Variants in SSBP2 observed in about 807,000 individuals in gnomAD.
The protein encoded by SSBP2 is single-stranded DNA-binding protein 2.
SSBP2 carries 17 observed loss-of-function variants against 61.8 expected under a neutral mutation model. The observed-to-expected ratio is 0.28, with a 90% CI of 0.19 to 0.41. SSBP2 has a LOEUF of 0.41. Among genes scored for constraint, SSBP2 ranks in the 10% least tolerant of loss-of-function variants. The pLI, the probability that SSBP2 is intolerant of heterozygous loss-of-function variation, is 1.00. For synonymous variants in SSBP2, 139 were observed against 141.3 expected, an observed-to-expected ratio of 0.98 and a Z score of 0.12; for missense variants, 310 against 458.7, an observed-to-expected ratio of 0.68 and a Z score of 2.96.
chr5:81,657,964 T>C (rs1305610735), intron 1 of SSBP2, among the ~76,000 whole-genome samples: 1 of 152,154 alleles, frequency 6.6e-6, no homozygotes, highest in African/African-American at 2.4e-5. Context: ...ATATACAACA[T>C]GATGTCTTGA....
chr5:81,572,752 C>A (rs1773928423), intron 4 of SSBP2, among the ~76,000 whole-genome samples: 1 of 152,196 alleles, frequency 6.6e-6, no homozygotes, highest in Non-Finnish European at 1.5e-5. Flanking sequence ...TCTCTAGCAT[C>A]TTTAAAACAT....
chr5:81,470,346 G>GT (rs1390336571), intron 8 of SSBP2, among the ~76,000 whole-genome samples: 1 of 151,578 alleles, frequency 6.6e-6, no homozygotes, highest in South Asian at 2.1e-4. Flanking sequence ...AGGTAGTTTT[G>GT]TTTTTTTATT....
rs940579163 is a variant in SSBP2, at chr5:81,536,875, T to C, written c.283-23158A>G. The stretch of plus-strand genomic sequence containing the variant: ...TCTCTACTAAAAATACAAAAAATTA[T>C]CAGGGTGTGGTGGTGCTCGCCTGTA... On this transcript the variant is annotated intron_variant, in intron 4 of 16. Coordinates refer to ENST00000320672, the MANE Select transcript of SSBP2 (RefSeq NM_012446.5). Among the ~76,000 whole-genome samples the C allele has an allele frequency of 3.3e-5, 5 of 151,798 alleles. No individual in the cohort carries two copies. In the South Asian group the frequency reaches 8.3e-4, roughly 25 times the overall value.
At chr5:81,504,579 C>T (rs979762349) in intron 5 of SSBP2, among the ~76,000 whole-genome samples, 3 of 152,140 alleles carry the variant, frequency 2.0e-5, no homozygotes, top group African/African-American at 7.2e-5. Flanking sequence ...TCCTTCAGGT[C>T]TTTACTCAAA....
chr5:81,486,773 G>A (rs1766415971), intron 6 of SSBP2, among the ~76,000 whole-genome samples: 1 of 152,140 alleles, frequency 6.6e-6, no homozygotes, highest in African/African-American at 2.4e-5. Flanking sequence ...ATCTTCCCCT[G>A]CCCCGATGTA....
At chr5:81,444,835 A>G (rs1369492666) in intron 12 of SSBP2, among the ~76,000 whole-genome samples, 1 of 151,728 alleles carries the variant, frequency 6.6e-6, no homozygotes, top group Admixed American at 6.6e-5. Flanking sequence ...TAAGATTGGT[A>G]TTTATGGCCA....
intron 4 of SSBP2, among the ~76,000 whole-genome samples, chr5:81,567,060 G>A (rs1216954803): frequency 6.6e-6 from 1 of 152,158 alleles, no homozygotes; most frequent in East Asian, 1.9e-4. Flanking sequence ...CAATAGAAAA[G>A]AAAATCCCAT....
At chr5:81,667,787 TATA>T (rs1345316974) in intron 1 of SSBP2, among the ~76,000 whole-genome samples, 4 of 152,088 alleles carry the variant, frequency 2.6e-5, no homozygotes, top group Non-Finnish European at 5.9e-5. Flanking sequence ...GAAACACCAA[TATA>T]ATAACAAAAA....
At chr5:81,568,598 T>C (rs1773614850) in intron 4 of SSBP2, among the ~76,000 whole-genome samples, 2 of 152,230 alleles carry the variant, frequency 1.3e-5, no homozygotes, top group Non-Finnish European at 2.9e-5. Context: ...CCAAAACATA[T>C]GCTGTTATTC....
At chr5:81,558,386 T>C (rs1293470486) in intron 4 of SSBP2, among the ~76,000 whole-genome samples, 1 of 152,220 alleles carries the variant, frequency 6.6e-6, no homozygotes, top group Admixed American at 6.5e-5. Flanking sequence ...GAGGACACAC[T>C]TCCTGGTTTG....
chr5:81,464,898 A>G (rs1764785862), intron 9 of SSBP2, among the ~76,000 whole-genome samples: 1 of 152,064 alleles, frequency 6.6e-6, no homozygotes, highest in African/African-American at 2.4e-5. Flanking sequence ...ATAATACATT[A>G]TAAAGTGAAT....
intron 4 of SSBP2, among the ~76,000 whole-genome samples, chr5:81,544,293 C>G (rs985263290): frequency 2.0e-5 from 3 of 152,252 alleles, no homozygotes; most frequent in South Asian, 2.1e-4. Flanking sequence ...GTGATCCGCC[C>G]CCCTCAGCCA....
At chr5:81,527,358 G>A (rs1336300967) in intron 4 of SSBP2, among the ~76,000 whole-genome samples, 2 of 151,988 alleles carry the variant, frequency 1.3e-5, no homozygotes, top group Middle Eastern at 3.2e-3. Flanking sequence ...GACTCAAAAT[G>A]TATTTCAAAG....
chr5:81,495,066 C>T (rs1403605901), intron 5 of SSBP2, among the ~76,000 whole-genome samples: 1 of 152,138 alleles, frequency 6.6e-6, no homozygotes, highest in Non-Finnish European at 1.5e-5. Context: ...GCAGTAGTTT[C>T]CCCTCCCCTT....
chr5:81,476,646 G>C (rs1765612040), intron 6 of SSBP2, among the ~76,000 whole-genome samples: 1 of 152,066 alleles, frequency 6.6e-6, no homozygotes, highest in Admixed American at 6.6e-5. Context: ...GAATGTGCTG[G>C]TGTCTGCAGG....
rs1761441823 is a variant in SSBP2, at chr5:81,418,941, C to T, written c.*1563G>A. ...AATTAAACAATGCTTTTCAAAGTCT[C>T]TAGAGTTTGGATTCATAGTTGGTAT... is the stretch of plus-strand genomic sequence containing the variant. On this transcript the variant is annotated 3_prime_UTR_variant, in exon 17 of 17. Transcript: ENST00000320672. The T allele has an allele frequency of 6.6e-6, 1 of 152,082 alleles. No homozygotes were observed. The highest frequency in any genetic ancestry group is 2.1e-4 in the South Asian group (1 of 4,824). 9.4% of individuals were successfully genotyped at this position (152,082 alleles called of 1,614,324 possible).
At chr5:81,661,013 G>A (rs141638050) in intron 1 of SSBP2, among the ~76,000 whole-genome samples, 4 of 152,126 alleles carry the variant, frequency 2.6e-5, no homozygotes, top group Admixed American at 1.3e-4. Flanking sequence ...GTTGAGGGGT[G>A]GGGGGTCAGG....
intron 4 of SSBP2, among the ~76,000 whole-genome samples, chr5:81,528,316 G>A (rs1236815722): frequency 1.3e-5 from 2 of 152,046 alleles, no homozygotes; most frequent in African/African-American, 4.8e-5. Context: ...TGTCAAGTAA[G>A]TGTATCAAGT....
intron 14 of SSBP2, 119 bp downstream of exon 14, chr5:81,440,439 T>C (rs1762957356): frequency 1.4e-6 from 1 of 724,108 alleles, no homozygotes; most frequent in African/African-American, 1.8e-5. Context: ...GAGGTAAAAG[T>C]TGAAGTATTT....
Sources: gnomAD v4.1 joint callset for allele counts (sites outside exome capture counted in the v4.1 genomes callset) on GRCh38, gnomAD v4.1.1 for gene constraint, MANE v1.5 for transcripts, NCBI Gene and HGNC (gene_info 2026-07-23, HGNC 2026-07-21) for gene names.